Variants in GRAMD2B observed in about 807,000 individuals in gnomAD.
GRAMD2B encodes the protein GRAM domain-containing protein 2B.
GRAMD2B carries 41 observed loss-of-function variants against 59.2 expected under a neutral mutation model. The ratio of observed to expected loss-of-function variants is 0.69; its 90% CI spans 0.54 to 0.90. The LOEUF is 0.90. GRAMD2B is among the 40% of genes least tolerant of loss of function. The pLI is 0.00. For missense variants in GRAMD2B, 424 were observed against 500.5 expected, an observed-to-expected ratio of 0.85 and a Z score of 1.46; for synonymous variants, 161 against 182.7, an observed-to-expected ratio of 0.88 and a Z score of 0.96.
At chr5:126,422,006 A>G (rs1246716248), upstream of GRAMD2B, among the ~76,000 whole-genome samples, 2 of 152,188 alleles carry the variant, frequency 1.3e-5, no homozygotes, top group Admixed American at 6.5e-5. Context: ...GGCTTCCAAT[A>G]ATAACGTTTA....
At chr5:126,441,991 G>A (rs571867979) in intron 1 of GRAMD2B, among the ~76,000 whole-genome samples, 46 of 151,878 alleles carry the variant, frequency 3.0e-4, no homozygotes, top group Admixed American at 1.2e-3. Context: ...CCTTGTCTTA[G>A]TGTATTTATG....
At chr5:126,490,835 T>C (rs896208517) in intron 13 of GRAMD2B, among the ~76,000 whole-genome samples, 3 of 152,214 alleles carry the variant, frequency 2.0e-5, no homozygotes, top group African/African-American at 7.2e-5. Context: ...TCCCTATTTC[T>C]GTTCATGGCA....
chr5:126,431,154 G>A (rs544573679), intron 1 of GRAMD2B, among the ~76,000 whole-genome samples: 23 of 152,052 alleles, frequency 1.5e-4, no homozygotes, highest in East Asian at 1.3e-3. Context: ...TTTTAAGGCC[G>A]GAATCAAGTT....
rs1216642117 is a variant in GRAMD2B, at chr5:126,469,681, A to C, written c.208A>C (p.Lys70Gln). 2 of 1,610,784 alleles carry C rather than the reference A, an allele frequency of 1.2e-6. No homozygotes were observed. Among genetic ancestry groups the C allele is most frequent in the East Asian group, 4.5e-5 (2 of 44,866 alleles). ...CCCTGGACTTTCTTTCTTTAGGTCA[A>C]AATCCAGTTTTGATGGTGCCTCTTT... ...DQKKIISLWS[K>Q]SSFDGASLAS... The change falls in exon 3 of 14, where the codon AAA becomes CAA. Residue 70 changes from lysine to glutamine, a missense_variant. Lys to Gln is a moderately conservative substitution (Grantham distance 53). Transcript: ENST00000285689.
At chr5:126,383,582 T>C (rs1166224073) in intron 1 of GRAMD2B, among the ~76,000 whole-genome samples, 2 of 152,206 alleles carry the variant, frequency 1.3e-5, no homozygotes, top group Non-Finnish European at 2.9e-5. Flanking sequence ...TTCTCTGCAT[T>C]ACTTAGATGA....
At chr5:126,485,663 G>T (rs55715209) in intron 10 of GRAMD2B, 23 bp from the exon 11 acceptor site, 2 of 1,520,700 alleles carry the variant, frequency 1.3e-6, no homozygotes, top group Non-Finnish European at 1.8e-6. Context: ...TTAAACAGTT[G>T]TTTTTTGTTT....
At chr5:126,473,131 CAGA>C (rs1561580579) in intron 4 of GRAMD2B, 131 bp from the exon 5 acceptor site, 2 of 404,302 alleles carry the variant, frequency 4.9e-6, no homozygotes, top group East Asian at 7.4e-5. Flanking sequence ...ATAAAGATGA[CAGA>C]AGAAGAGGTA....
chr5:126,430,863 T>C (rs1761452911), intron 1 of GRAMD2B, among the ~76,000 whole-genome samples: 1 of 152,210 alleles, frequency 6.6e-6, no homozygotes, highest in Admixed American at 6.5e-5. Flanking sequence ...ACATCAAAGA[T>C]AACTCAGGCT....
chr5:126,465,208 AC>A (rs1768081094), intron 1 of GRAMD2B: 1 of 1,399,886 alleles, frequency 7.1e-7, no homozygotes, highest in Non-Finnish European at 9.3e-7. Context: ...TCTGGCATTT[AC>A]AAGTGAAACA....
intron 1 of GRAMD2B, among the ~76,000 whole-genome samples, chr5:126,429,752 A>G (rs1235121355): frequency 6.6e-6 from 1 of 152,214 alleles, no homozygotes; most frequent in African/African-American, 2.4e-5. Flanking sequence ...TGTTCCATAA[A>G]GTGACCGTGA....
chr5:126,371,454 A>C (rs899027188), exon 1 of GRAMD2B: 2 of 1,288,372 alleles, frequency 1.6e-6, no homozygotes, highest in African/African-American at 3.0e-5. Flanking sequence ...TGGTGAAGAA[A>C]AGGCTGCCTT....
chr5:126,477,604 C>CTTTTTTTT, intron 5 of GRAMD2B, 88 bp from the exon 6 acceptor site: 4 of 821,318 alleles, frequency 4.9e-6, no homozygotes, highest in Non-Finnish European at 6.4e-6. Flanking sequence ...TTCTGTTTAC[C>CTTTTTTTT]TTTTTTTTCT....
In GRAMD2B at chr5:126,473,381, A is replaced by G; in HGVS notation, c.486+13A>G. On this transcript the variant is annotated intron_variant, in intron 5 of 13. Coordinates refer to ENST00000285689, the MANE Select transcript of GRAMD2B (RefSeq NM_023927.4). ...AAAAGACACAAAGGTTGGTATAATTAAAAAAAAAAATGCTAACCCTATACT... is the reference window on the plus strand; with the variant it reads ...AAAAGACACAAAGGTTGGTATAATTGAAAAAAAAAATGCTAACCCTATACT... 2.0e-6 allele frequency: 1 copy of G among 510,614 alleles called. No homozygotes were observed. The highest frequency in any genetic ancestry group is 2.9e-6 in the Non-Finnish European group (1 of 339,890). The allele number at this position is 510,614 out of a possible 1,614,324, so 31.6% of individuals were successfully genotyped here.
At chr5:126,366,316 G>A (rs1448424422), upstream of GRAMD2B, among the ~76,000 whole-genome samples, 1 of 152,222 alleles carries the variant, frequency 6.6e-6, no homozygotes, top group East Asian at 1.9e-4. Flanking sequence ...GGCCTAGACT[G>A]TCAATGCTTG....
At chr5:126,386,430 C>T (rs1466892361) in intron 1 of GRAMD2B, among the ~76,000 whole-genome samples, 1 of 152,136 alleles carries the variant, frequency 6.6e-6, no homozygotes, top group East Asian at 1.9e-4. Flanking sequence ...AAATCCTAGC[C>T]TCTTAAACAA....
chr5:126,392,241 G>A lies in GRAMD2B; in HGVS notation c.125+20674G>A, dbSNP rs200406630. On this transcript the variant is annotated intron_variant, in intron 1 of 8. Transcript: ENST00000506445. The stretch of plus-strand genomic sequence containing the variant: ...AGCCACACTCAGAGATTCACTAGAA[G>A]GACTCATAGAACTCACCATTATTCG... 2.5e-4 allele frequency among the ~76,000 whole-genome samples: 38 copies of A among 152,216 alleles called. No individual in the cohort carries two copies. In the East Asian group the frequency reaches 7.3e-3, roughly 29 times the overall value.
rs116140417 is a variant in GRAMD2B, at chr5:126,412,227, C to G, written c.125+40660C>G. ...TGCTTTCAGTTTTTGCCTGTTCAAT[C>G]TGATGTTGGCTGTGGCTTTGTCCTA... On this transcript the variant is annotated intron_variant, in intron 1 of 8. Transcript: ENST00000506445. Among the ~76,000 whole-genome samples the G allele has an allele frequency of 1.6e-3, 237 of 152,126 alleles. 1 individual carries two copies. Among genetic ancestry groups the G allele is most frequent in the African/African-American group, 5.5e-3 (230 of 41,546 alleles).
chr5:126,360,309 G>A (rs1395021637), exon 1 of GRAMD2B: 7 of 1,550,430 alleles, frequency 4.5e-6, no homozygotes, highest in African/African-American at 1.4e-5. Context: ...AGAGTTTCTT[G>A]AAGATCACCT....
intron 1 of GRAMD2B, among the ~76,000 whole-genome samples, chr5:126,425,532 C>T (rs796843028): frequency 2.1e-4 from 32 of 152,188 alleles, no homozygotes; most frequent in African/African-American, 7.7e-4. Flanking sequence ...TTTGGGAGGC[C>T]GAGGCTGGAG....
Sources: allele counts gnomAD v4.1 joint callset (sites outside exome capture counted in the v4.1 genomes callset), GRCh38; gene constraint gnomAD v4.1.1; transcripts MANE v1.5; gene names NCBI Gene and HGNC (gene_info 2026-07-23, HGNC 2026-07-21).